Variants in NEK7 observed in about 807,000 individuals in gnomAD.
The protein encoded by NEK7 is NIMA related kinase 7.
A neutral mutation model predicts 44.6 loss-of-function variants in NEK7; 18 were observed. The observed-to-expected ratio is 0.40, with a 90% CI of 0.28 to 0.60. The LOEUF (loss-of-function observed/expected upper bound fraction) is 0.60. Among genes scored for constraint, NEK7 ranks in the 20% least tolerant of loss-of-function variants. The pLI is 0.38. For synonymous variants in NEK7, 130 were observed against 121.1 expected (o/e 1.07, Z -0.48); for missense variants, 256 against 366.5 (o/e 0.70, Z 2.46).
chr1:198,214,067 A>C (rs1665852477), intron 1 of NEK7, among the ~76,000 whole-genome samples: 1 of 152,210 alleles, frequency 6.6e-6, no homozygotes, highest in African/African-American at 2.4e-5. Context: ...AGCATCTTGC[A>C]CAAAGATTCT....
chr1:198,321,384 G>T lies in NEK7; in HGVS notation c.*1862G>T, dbSNP rs1026354333. ...AGCATCCATAGATATATTCCTAGAAGTATGAGAAGAATTATTCTTATTGAC... is the reference window on the plus strand; with the variant it reads ...AGCATCCATAGATATATTCCTAGAATTATGAGAAGAATTATTCTTATTGAC... On this transcript the variant is annotated 3_prime_UTR_variant, in exon 10 of 10. Coordinates refer to ENST00000367385, the MANE Select transcript of NEK7 (RefSeq NM_133494.3). The T allele has an allele frequency of 2.0e-5, 3 of 151,996 alleles. No individual in the cohort carries two copies. Among genetic ancestry groups the T allele is most frequent in the Admixed American group, 6.6e-5 (1 of 15,266 alleles). The allele number at this position is 151,996 out of a possible 1,614,324, so 9.4% of individuals were successfully genotyped here.
intron 1 of NEK7, among the ~76,000 whole-genome samples, chr1:198,206,310 G>A (rs541135895): frequency 6.6e-6 from 1 of 152,174 alleles, no homozygotes; most frequent in African/African-American, 2.4e-5. Context: ...AGTGAATATG[G>A]GAAGTGATTG....
chr1:198,292,572 C>G (rs1237188010), intron 7 of NEK7, among the ~76,000 whole-genome samples: 1 of 151,844 alleles, frequency 6.6e-6, no homozygotes, highest in Non-Finnish European at 1.5e-5. Flanking sequence ...AATAAATTAT[C>G]ATGCTTAATT....
chr1:198,269,280 G>A (rs926161328), intron 5 of NEK7, among the ~76,000 whole-genome samples: 5 of 152,088 alleles, frequency 3.3e-5, no homozygotes, highest in African/African-American at 9.7e-5. Flanking sequence ...TAACATGGGT[G>A]GTTGTATAAC....
At chr1:198,237,742 C>T (rs1279793316) in intron 2 of NEK7, among the ~76,000 whole-genome samples, 1 of 152,106 alleles carries the variant, frequency 6.6e-6, no homozygotes, top group Non-Finnish European at 1.5e-5. Flanking sequence ...CAGTCAGTCA[C>T]GTCTGTTTAA....
chr1:198,277,958 A>G lies in NEK7; in HGVS notation c.373-3A>G. The G allele has an allele frequency of 1.3e-6, 2 of 1,572,614 alleles. No homozygotes were observed. The highest frequency in any genetic ancestry group is 1.7e-6 in the Non-Finnish European group (2 of 1,147,730). Reference sequence around the variant, plus strand: ...ATAGTTCTTATTTTTAATTTTCAAAAAGCATTTTAAGAAGCAAAAGAGGCT... The same window carrying G: ...ATAGTTCTTATTTTTAATTTTCAAAGAGCATTTTAAGAAGCAAAAGAGGCT... On this transcript the variant is annotated splice_polypyrimidine_tract_variant and splice_region_variant and intron_variant, in intron 5 of 9. Transcript: ENST00000367385.
intron 5 of NEK7, among the ~76,000 whole-genome samples, chr1:198,273,374 G>A (rs1653914893): frequency 6.6e-6 from 1 of 151,630 alleles, no homozygotes; most frequent in Non-Finnish European, 1.5e-5. Context: ...AAATATTTGT[G>A]AAGTTTAGTT....
intron 1 of NEK7, among the ~76,000 whole-genome samples, chr1:198,199,636 G>A (rs868776373): frequency 6.6e-6 from 1 of 151,790 alleles, no homozygotes; most frequent in Non-Finnish European, 1.5e-5. Context: ...TTATTCAAAT[G>A]TGGGATTGTT....
chr1:198,238,609 C>T (rs912688110), intron 2 of NEK7, among the ~76,000 whole-genome samples: 4 of 152,178 alleles, frequency 2.6e-5, no homozygotes, highest in Admixed American at 1.3e-4. Context: ...AACATTGCCT[C>T]ATTTAATCCT....
chr1:198,234,287 A>G (rs1666485424), intron 2 of NEK7, among the ~76,000 whole-genome samples: 1 of 148,752 alleles, frequency 6.7e-6, no homozygotes, highest in Non-Finnish European at 1.5e-5. Flanking sequence ...AGTAAGGCCA[A>G]TATTTTGATT....
At chr1:198,165,028 C>A (rs1029867405) in intron 1 of NEK7, among the ~76,000 whole-genome samples, 1 of 152,192 alleles carries the variant, frequency 6.6e-6, no homozygotes, top group Admixed American at 6.5e-5. Flanking sequence ...TTTCTTTGCT[C>A]ATTTATAAAA....
At chr1:198,237,942 G>T (rs1054534412) in intron 2 of NEK7, among the ~76,000 whole-genome samples, 1 of 152,008 alleles carries the variant, frequency 6.6e-6, no homozygotes, top group Non-Finnish European at 1.5e-5. Flanking sequence ...TTCTCTTAGG[G>T]TATAAGCTCT....
intron 1 of NEK7, among the ~76,000 whole-genome samples, chr1:198,231,025 T>C (rs1666372796): frequency 6.6e-6 from 1 of 151,756 alleles, no homozygotes; most frequent in African/African-American, 2.4e-5. Flanking sequence ...ATCCCAGCAG[T>C]GTTTTTTTAG....
chr1:198,157,272 T>G lies in NEK7; in HGVS notation c.-33T>G, dbSNP rs1663920070. 1 of 151,780 alleles carries G rather than the reference T, an allele frequency of 6.6e-6. No homozygotes were observed. The highest frequency in any genetic ancestry group is 6.5e-5 in the Admixed American group (1 of 15,280). The allele number at this position is 151,780 out of a possible 1,614,324, so 9.4% of individuals were successfully genotyped here. ...GCGGGAGAACGGAAAACTCCCAACTTCCTGGTGAGTCGCTGCCCAGGGTTC... is the reference window on the plus strand; with the variant it reads ...GCGGGAGAACGGAAAACTCCCAACTGCCTGGTGAGTCGCTGCCCAGGGTTC... On this transcript the variant is annotated 5_prime_UTR_variant, in exon 1 of 10. Coordinates refer to ENST00000367385, the MANE Select transcript of NEK7 (RefSeq NM_133494.3).
intron 2 of NEK7, among the ~76,000 whole-genome samples, chr1:198,251,470 C>A (rs530122038): frequency 6.7e-6 from 1 of 148,828 alleles, no homozygotes; most frequent in African/African-American, 2.5e-5. Flanking sequence ...CCTCCTTATA[C>A]CTCTGGTAGA....
chr1:198,319,415 C>T lies in NEK7; in HGVS notation c.802C>T (p.Arg268Ter). ...LPSDHYSEEL[R>*]QLVNMCINPD... ...TATTGTTTTTCTTTCTTCACAGCTC[C>T]GACAGTTAGTTAATATGTGCATCAA... is the stretch of plus-strand genomic sequence containing the variant. Residue 268 changes from arginine (R) to a stop codon, truncating the protein, a stop_gained, in exon 10 of 10, where the codon CGA (arginine) becomes TGA (stop). Transcript: ENST00000367385. LOFTEE classifies it high-confidence loss of function. 4 of 1,607,554 alleles carry T rather than the reference C, an allele frequency of 2.5e-6. No individual in the cohort carries two copies. The highest frequency in any genetic ancestry group is 3.4e-6 in the Non-Finnish European group (4 of 1,176,304).
chr1:198,190,792 A>AT (rs1558048924), intron 1 of NEK7, among the ~76,000 whole-genome samples: 2 of 151,846 alleles, frequency 1.3e-5, no homozygotes, highest in East Asian at 1.9e-4. Context: ...AAGGATGATA[A>AT]TTTTTTTTGT....
chr1:198,166,483 C>T (rs1664273168), intron 1 of NEK7, among the ~76,000 whole-genome samples: 1 of 152,140 alleles, frequency 6.6e-6, no homozygotes, highest in Non-Finnish European at 1.5e-5. Context: ...TAATCATTTC[C>T]AGCTTTTGAT....
intron 1 of NEK7, among the ~76,000 whole-genome samples, chr1:198,227,078 C>T (rs1176095139): frequency 6.6e-6 from 1 of 151,934 alleles, no homozygotes; most frequent in Non-Finnish European, 1.5e-5. Context: ...TCCATGTGTT[C>T]TCATTGTTCA....
Sources: allele counts gnomAD v4.1 joint callset (sites outside exome capture counted in the v4.1 genomes callset), GRCh38; gene constraint gnomAD v4.1.1; transcripts MANE v1.5; gene names NCBI Gene and HGNC (gene_info 2026-07-23, HGNC 2026-07-21).